TUSC3: variants seen among roughly 807,000 people sequenced by gnomAD.
TUSC3 encodes tumor suppressor candidate 3.
Under a neutral mutation model 44.8 loss-of-function variants are expected in TUSC3, and 45 were observed. The observed-to-expected ratio is 1.00, with a 90% CI of 0.79 to 1.29. TUSC3 has a LOEUF of 1.29. Among genes scored for constraint, TUSC3 ranks in the 50% most tolerant of loss-of-function variants. The probability of loss-of-function intolerance (pLI) is 0.00; values close to 1 mark genes in which losing one functional copy is unlikely to be tolerated. For missense variants in TUSC3, 519 were observed against 437.9 expected (o/e 1.19, Z -1.65); for synonymous variants, 212 against 152.9 (o/e 1.39, Z -2.85).
At chr8:15,485,211 G>A (rs528066198) in intron 2 of TUSC3, among the ~76,000 whole-genome samples, 1 of 152,020 alleles carries the variant, frequency 6.6e-6, no homozygotes, top group African/African-American at 2.4e-5. Flanking sequence ...AAGTTCCTCT[G>A]GCTGCACTTC....
intron 1 of TUSC3, among the ~76,000 whole-genome samples, chr8:15,447,369 TAAATG>T (rs1273927731): frequency 6.6e-6 from 1 of 152,060 alleles, no homozygotes; most frequent in South Asian, 2.1e-4. Context: ...AAATTAAAAA[TAAATG>T]AAAGCACATG....
the TUSC3 span, among the ~76,000 whole-genome samples, chr8:15,809,385 C>T: frequency 1.3e-5 from 2 of 152,134 alleles, no homozygotes; most frequent in African/African-American, 4.8e-5. Context: ...TTATCCTTGC[C>T]TATCTGTGGG....
intron 1 of TUSC3, among the ~76,000 whole-genome samples, chr8:15,417,588 A>T (rs1037158496): frequency 2.6e-5 from 4 of 152,206 alleles, no homozygotes; most frequent in Non-Finnish European, 5.9e-5. Flanking sequence ...TTGCAATTTA[A>T]ACGCTTACTC....
chr8:15,757,338 A>C (rs1361928287), intron 9 of TUSC3, among the ~76,000 whole-genome samples: 1 of 152,234 alleles, frequency 6.6e-6, no homozygotes, highest in African/African-American at 2.4e-5. Flanking sequence ...GGAAATGTAC[A>C]GAATAACAGC....
intron 1 of TUSC3, among the ~76,000 whole-genome samples, chr8:15,471,338 A>C (rs1252391049): frequency 6.6e-6 from 1 of 152,170 alleles, no homozygotes; most frequent in Non-Finnish European, 1.5e-5. Context: ...CACTCTTGTT[A>C]ATATAAATTA....
intron 1 of TUSC3, among the ~76,000 whole-genome samples, chr8:15,456,268 C>T (rs1800255756): frequency 6.6e-6 from 1 of 152,182 alleles, no homozygotes; most frequent in Admixed American, 6.6e-5. Context: ...TACTGCAATG[C>T]TGTGGTCTCT....
At chr8:15,481,691 T>C (rs571074723) in intron 1 of TUSC3, among the ~76,000 whole-genome samples, 2 of 152,346 alleles carry the variant, frequency 1.3e-5, no homozygotes, top group East Asian at 3.9e-4. Context: ...AATAGCATTA[T>C]GGCTGAAAAA....
At chr8:15,758,416 T>G (rs1812025021) in intron 10 of TUSC3, 1 of 329,276 alleles carries the variant, frequency 3.0e-6, no homozygotes, top group Non-Finnish European at 4.3e-6. Flanking sequence ...TAATTTTATA[T>G]GTATGTAAAA....
At chr8:15,540,142 A>T, upstream of TUSC3, 1 of 389,530 alleles carries the variant, frequency 2.6e-6, no homozygotes. Flanking sequence ...GGTCCGGGAA[A>T]GGCAAGCTCC....
chr8:15,750,511 T>A (rs561009808), intron 9 of TUSC3, among the ~76,000 whole-genome samples: 1 of 152,198 alleles, frequency 6.6e-6, no homozygotes, highest in Non-Finnish European at 1.5e-5. Context: ...AGTTTAAGTT[T>A]GTACTTCTTT....
intron 2 of TUSC3, among the ~76,000 whole-genome samples, chr8:15,507,516 T>C (rs912416642): frequency 6.6e-6 from 1 of 152,266 alleles, no homozygotes; most frequent in South Asian, 2.1e-4. Context: ...CTAATTTCTA[T>C]AATTAAGGAA....
At chr8:15,644,285 A>C (rs1806522780) in intron 2 of TUSC3, among the ~76,000 whole-genome samples, 1 of 152,244 alleles carries the variant, frequency 6.6e-6, no homozygotes, top group Admixed American at 6.5e-5. Flanking sequence ...ACGCAGCGTG[A>C]CTGCCCTCTT....
At chr8:15,582,627 C>CA (rs748573355) in intron 1 of TUSC3, among the ~76,000 whole-genome samples, 2 of 152,186 alleles carry the variant, frequency 1.3e-5, no homozygotes, top group Non-Finnish European at 2.9e-5. Context: ...CCAGCTAAAA[C>CA]AGAGTCAAGA....
intron 6 of TUSC3, among the ~76,000 whole-genome samples, chr8:15,678,511 T>C (rs1808284046): frequency 6.6e-6 from 1 of 152,192 alleles, no homozygotes; most frequent in South Asian, 2.1e-4. Flanking sequence ...GTCTCATCAA[T>C]TAAATATAGT....
chr8:15,730,667 G>A lies in TUSC3; in HGVS notation c.800G>A (p.Ser267Asn). 1 of 1,612,838 alleles carries A rather than the reference G, an allele frequency of 6.2e-7. No individual in the cohort carries two copies. Among genetic ancestry groups the A allele is most frequent in the African/African-American group, 1.3e-5 (1 of 74,990 alleles). Residue 267 changes from serine (S) to asparagine (N), a missense_variant and splice_region_variant, in exon 7 of 11, where the codon AGC becomes AAC. By Grantham distance (46) the Ser-to-Asn change is conservative (BLOSUM62 1). Coordinates refer to ENST00000503731, the MANE Select transcript of TUSC3 (RefSeq NM_006765.4). ...AHKNPHNGQVSYIHGSSQAQF... is the reference protein window; with the variant it reads ...AHKNPHNGQVNYIHGSSQAQF... ...ATTTCTGTTTGTCTTCTTTTATAGAGCTACATTCATGGGAGCAGCCAGGCT... is the reference window on the plus strand; with the variant it reads ...ATTTCTGTTTGTCTTCTTTTATAGAACTACATTCATGGGAGCAGCCAGGCT...
At chr8:15,789,414 T>G in the TUSC3 span, among the ~76,000 whole-genome samples, 7 of 152,198 alleles carry the variant, frequency 4.6e-5, no homozygotes, top group Middle Eastern at 3.2e-3. Flanking sequence ...TGGAACATTA[T>G]TTTTGTTTTT....
intron 1 of TUSC3, among the ~76,000 whole-genome samples, chr8:15,467,277 CAAAA>C (rs11371796): frequency 6.8e-5 from 7 of 103,016 alleles, no homozygotes; most frequent in African/African-American, 3.4e-5. Context: ...GTTCTTTAGC[CAAAA>C]AAAAAAAAAA....
chr8:15,490,402 C>G (rs926926722), intron 2 of TUSC3, among the ~76,000 whole-genome samples: 2 of 152,128 alleles, frequency 1.3e-5, no homozygotes, highest in Non-Finnish European at 2.9e-5. Flanking sequence ...TAACTTTCTC[C>G]TCTCCTGTTT....
chr8:15,685,851 T>A (rs1808605162), intron 6 of TUSC3, among the ~76,000 whole-genome samples: 1 of 142,136 alleles, frequency 7.0e-6, no homozygotes, highest in African/African-American at 2.5e-5. Flanking sequence ...ATTCATTTAG[T>A]TCTTAGGTTT....
Sources: gnomAD v4.1 joint callset for allele counts (sites outside exome capture counted in the v4.1 genomes callset) on GRCh38, gnomAD v4.1.1 for gene constraint, MANE v1.5 for transcripts, NCBI Gene and HGNC (gene_info 2026-07-23, HGNC 2026-07-21) for gene names.